GLB1L3: variants seen among roughly 807,000 people sequenced by gnomAD.
The protein encoded by GLB1L3 is beta-galactosidase-1-like protein 3.
GLB1L3 carries 89 observed loss-of-function variants against 89.5 expected under a neutral mutation model. That is an observed-to-expected ratio of 0.99 (90% CI 0.84 to 1.19). The LOEUF (loss-of-function observed/expected upper bound fraction) is 1.19. Ranked by LOEUF, GLB1L3 falls within the 50% of genes most tolerant of loss-of-function variation. GLB1L3 has a pLI of 0.00. For synonymous variants in GLB1L3, 314 were observed against 312.3 expected (o/e 1.01, Z -0.06); for missense variants, 812 against 813.3 (o/e 1.00, Z 0.02).
intron 7 of GLB1L3, among the ~76,000 whole-genome samples, chr11:134,289,367 G>A (rs922480343): frequency 1.3e-5 from 2 of 151,926 alleles, no homozygotes; most frequent in Admixed American, 1.3e-4. Flanking sequence ...GCTGACTCAG[G>A]GGTGGCAGAA....
intron 5 of GLB1L3, 68 bp downstream of exon 5, chr11:134,282,188 A>C: frequency 6.8e-7 from 1 of 1,461,996 alleles, no homozygotes; most frequent in South Asian, 1.4e-5. Flanking sequence ...AGTGAATTTC[A>C]AGCTAGTAAC....
Position 134,318,734 on chromosome 11 carries a change from C to T in GLB1L3, c.1883C>T (p.Pro628Leu), listed in dbSNP as rs542965096. 8.1e-6 allele frequency: 13 copies of T among 1,605,638 alleles called. No homozygotes were observed. Among genetic ancestry groups the T allele is most frequent in the Non-Finnish European group, 1.1e-5 (13 of 1,172,950 alleles). ...TLYLPGVWLHPEDNEVILFEK... is the reference protein window; with the variant it reads ...TLYLPGVWLHLEDNEVILFEK... ...TACCTTCCTGGAGTTTGGCTTCATC[C>T]AGAAGACAATGAGGTATGTCACTCC... Residue 628 changes from proline (P) to leucine (L), a missense_variant, in exon 19 of 20, where the codon CCA (proline) becomes CTA (leucine). Physicochemically the swap from Pro to Leu is moderately conservative, Grantham distance 98. Around this residue, in one of 3 missense-constraint regions of GLB1L3, gnomAD observed 618 missense variants for 604.0 expected, o/e 1.02. Transcript: ENST00000431683.
intron 9 of GLB1L3, 114 bp downstream of exon 9, chr11:134,293,323 C>A: frequency 2.3e-6 from 2 of 864,832 alleles, no homozygotes; most frequent in South Asian, 3.4e-5. Flanking sequence ...AGGTTTTCAC[C>A]CTGGGTCCTC....
chr11:134,299,629 TG>T (rs1460543069), intron 9 of GLB1L3, among the ~76,000 whole-genome samples: 2 of 152,192 alleles, frequency 1.3e-5, no homozygotes, highest in African/African-American at 4.8e-5. Flanking sequence ...GTCTCGCCTT[TG>T]CATTGAGTCC....
At position 134,276,583 on chromosome 11, in the gene GLB1L3, C is replaced by T. The variant is rs1940379577; in HGVS notation, c.-158C>T. On this transcript the variant is annotated 5_prime_UTR_variant, in exon 1 of 20. Coordinates refer to ENST00000431683, the MANE Select transcript of GLB1L3 (RefSeq NM_001080407.3). ...CCTTGGGACCCGGACCCGGCGCCCG[C>T]GCCTCGGGACGGATTTCTGCCTCGG... is the stretch of plus-strand genomic sequence containing the variant. 1 of 614,584 alleles carries T rather than the reference C, an allele frequency of 1.6e-6. No homozygotes were observed. Among genetic ancestry groups the T allele is most frequent in the Non-Finnish European group, 2.3e-6 (1 of 426,448 alleles). 38.1% of individuals were successfully genotyped at this position (614,584 alleles called of 1,614,324 possible).
At chr11:134,283,048 A>T (rs772924363) in intron 5 of GLB1L3, among the ~76,000 whole-genome samples, 1 of 151,858 alleles carries the variant, frequency 6.6e-6, no homozygotes, top group Non-Finnish European at 1.5e-5. Context: ...GCCTAAGGAA[A>T]TTTTTTCTGT....
chr11:134,318,613 A>G lies in GLB1L3; in HGVS notation c.1780-18A>G, dbSNP rs773895045. 8.6e-6 allele frequency: 13 copies of G among 1,513,874 alleles called. No homozygotes were observed. The South Asian group carries it at 1.5e-4, about 17-fold the overall frequency. The allele number at this position is 1,513,874 out of a possible 1,614,324, so 93.8% of individuals were successfully genotyped here. A position where few individuals can be genotyped will look rare whatever the true frequency, so the allele number is the denominator to read the frequency against. The stretch of plus-strand genomic sequence containing the variant: ...AATGTGAACCAATTTCCAAATCTCA[A>G]GCCACCATTCCTTTCAGAACTGGAA... On this transcript the variant is annotated intron_variant, in intron 18 of 19. Coordinates refer to ENST00000431683, the MANE Select transcript of GLB1L3 (RefSeq NM_001080407.3).
chr11:134,313,523 G>C, intron 16 of GLB1L3, 49 bp downstream of exon 16: 2 of 1,460,792 alleles, frequency 1.4e-6, no homozygotes, highest in Non-Finnish European at 1.9e-6. Flanking sequence ...CCGAAGACCC[G>C]GGCTATGCAC....
intron 13 of GLB1L3, 35 bp downstream of exon 13, chr11:134,311,205 C>A: frequency 6.7e-7 from 1 of 1,485,250 alleles, no homozygotes; most frequent in Non-Finnish European, 9.4e-7. Flanking sequence ...GCGGAGTGGC[C>A]ATTGGAGGGA....
rs1941081567 is a variant in GLB1L3, at chr11:134,287,461, T to C, written c.637-1337T>C. On this transcript the variant is annotated intron_variant, in intron 6 of 19. Transcript: ENST00000431683. ...TTAATTATTATGTAAAAATAATTTT[T>C]AGAGTGCATTACTGGTTTACTTGGG... is the stretch of plus-strand genomic sequence containing the variant. The C allele has an allele frequency of 2.0e-5, 3 of 152,356 alleles. No homozygotes were observed. In the South Asian group the frequency reaches 6.2e-4, roughly 32 times the overall value. 9.4% of individuals were successfully genotyped at this position (152,356 alleles called of 1,614,324 possible). A position where few individuals can be genotyped will look rare whatever the true frequency, so the allele number is the denominator to read the frequency against.
chr11:134,304,595 T>G (rs1174266604), intron 9 of GLB1L3, among the ~76,000 whole-genome samples: 1 of 152,166 alleles, frequency 6.6e-6, no homozygotes. Flanking sequence ...TTTATTTTCC[T>G]TTTAGCTGCT....
chr11:134,301,822 T>C (rs1049760530), intron 9 of GLB1L3, among the ~76,000 whole-genome samples: 1 of 152,188 alleles, frequency 6.6e-6, no homozygotes, highest in Non-Finnish European at 1.5e-5. Context: ...GTATTCAATA[T>C]GATTGTTTCT....
downstream of GLB1L3, among the ~76,000 whole-genome samples, chr11:134,320,180 T>G (rs1288541853): frequency 1.3e-5 from 2 of 152,180 alleles, no homozygotes; most frequent in Admixed American, 1.3e-4. Context: ...TTAAATATAG[T>G]GCCTAGGGCT....
intron 3 of GLB1L3, 70 bp from the exon 4 acceptor site, chr11:134,281,307 G>A (rs1238198992): frequency 6.3e-7 from 1 of 1,578,604 alleles, no homozygotes; most frequent in Non-Finnish European, 8.7e-7. Context: ...GCTTGGATTT[G>A]GGGCAGACCT....
rs1591594072 is a variant in GLB1L3 at position 134,314,352 on chromosome 11, C to G, written c.1690C>G (p.Pro564Ala). ...CAGGCTCCGCTCTGCCACCTGGAAGCCTGTCCCAGACAGCCACCAGGGCCC... is the reference window on the plus strand; with the variant it reads ...CAGGCTCCGCTCTGCCACCTGGAAGGCTGTCCCAGACAGCCACCAGGGCCC... ...FERLRSATWKPVPDSHQGPAF... is the reference protein window; with the variant it reads ...FERLRSATWKAVPDSHQGPAF... The change falls in exon 18 of 20, where the codon CCT becomes GCT. Residue 564 changes from proline to alanine, a missense_variant. Physicochemically the swap from Pro to Ala is conservative, Grantham distance 27. This residue lies in a region of GLB1L3 where 618 missense variants were observed against 604.0 expected (regional missense o/e 1.02). Coordinates refer to ENST00000431683, the MANE Select transcript of GLB1L3 (RefSeq NM_001080407.3). The G allele has an allele frequency of 6.5e-7, 1 of 1,550,172 alleles. No individual in the cohort carries two copies. Among genetic ancestry groups the G allele is most frequent in the South Asian group, 1.2e-5 (1 of 83,762 alleles).
At chr11:134,287,391 T>C (rs1941077734) in intron 6 of GLB1L3, 1 of 152,248 alleles carries the variant, frequency 6.6e-6, no homozygotes. Flanking sequence ...TGATACATCA[T>C]TAGTATTTTA....
At chr11:134,283,123 C>T (rs1019258313) in intron 5 of GLB1L3, among the ~76,000 whole-genome samples, 2 of 152,110 alleles carry the variant, frequency 1.3e-5, no homozygotes, top group Non-Finnish European at 2.9e-5. Flanking sequence ...AGTCCAGTGG[C>T]GCGATCTCGG....
downstream of GLB1L3, among the ~76,000 whole-genome samples, chr11:134,323,056 C>G (rs549337496): frequency 6.6e-6 from 1 of 152,152 alleles, no homozygotes; most frequent in Non-Finnish European, 1.5e-5. Flanking sequence ...TTTCTAAGTT[C>G]GCCACATCCT....
chr11:134,292,086 A>C, intron 7 of GLB1L3, 46 bp from the exon 8 acceptor site: 1 of 1,398,360 alleles, frequency 7.2e-7, no homozygotes, highest in Non-Finnish European at 1.0e-6. Flanking sequence ...CTTTTTTCCC[A>C]TGGGAATGAG....
Sources: gnomAD v4.1 joint callset for allele counts (sites outside exome capture counted in the v4.1 genomes callset) on GRCh38, gnomAD v4.1.1 for gene constraint, gnomAD v4.1.1 regional missense constraint, MANE v1.5 for transcripts, NCBI Gene and HGNC (gene_info 2026-07-23, HGNC 2026-07-21) for gene names.